The following TFDP1 variants were observed in gnomAD, a reference collection of about 807,000 sequenced individuals.
TFDP1 encodes the protein transcription factor Dp-1, also known as DRTF1-polypeptide 1.
In TFDP1, 6 loss-of-function variants were observed where a neutral mutation model predicts 48.0. That is an observed-to-expected ratio of 0.13 (90% CI 0.07 to 0.25). The LOEUF is 0.25. Among genes scored for constraint, TFDP1 ranks in the 10% least tolerant of loss-of-function variants. TFDP1 has a pLI of 1.00. For missense variants in TFDP1, 335 were observed against 543.0 expected, an observed-to-expected ratio of 0.62 and a Z score of 3.81; for synonymous variants, 201 against 211.6, an observed-to-expected ratio of 0.95 and a Z score of 0.44.
At chr13:113,629,348 C>T (rs1162412639) in intron 4 of TFDP1, among the ~76,000 whole-genome samples, 1 of 152,210 alleles carries the variant, frequency 6.6e-6, no homozygotes, top group African/African-American at 2.4e-5. Flanking sequence ...GTGCTGAGTC[C>T]TGTCTTCCAG....
chr13:113,608,258 G>A (rs1050133050), intron 2 of TFDP1, among the ~76,000 whole-genome samples: 2 of 152,262 alleles, frequency 1.3e-5, no homozygotes, highest in African/African-American at 4.8e-5. Flanking sequence ...CGTTCCCAGT[G>A]CCAGTCCCTG....
chr13:113,589,835 G>T (rs746379432), intron 2 of TFDP1, among the ~76,000 whole-genome samples: 4 of 152,182 alleles, frequency 2.6e-5, no homozygotes, highest in African/African-American at 7.2e-5. Context: ...CTCAGCCTGC[G>T]GCCAAGTTTC....
At chr13:113,624,827 G>A (rs576573988) in intron 4 of TFDP1, among the ~76,000 whole-genome samples, 70 of 139,450 alleles carry the variant, frequency 5.0e-4, no homozygotes, top group African/African-American at 1.8e-3. Flanking sequence ...TGTCTCTCAC[G>A]TGTCCTCAGG....
rs551988133 is a variant in TFDP1 at position 113,627,342 on chromosome 13, T to C, written c.186+4056T>C. On this transcript the variant is annotated intron_variant, in intron 4 of 11. Transcript: ENST00000375370. This position sits in a 1 kb window ranked among gnomAD's most constrained non-coding sequence, Gnocchi z 4.1. The stretch of plus-strand genomic sequence containing the variant: ...ACGTGTGCGGGACAGAGGACATATG[T>C]GCTCAGCCGGCAGGAGCAGCGGCCT... 1.4e-3 allele frequency among the ~76,000 whole-genome samples: 220 copies of C among 152,242 alleles called. 1 individual carries two copies. The highest frequency in any genetic ancestry group is 2.1e-3 in the Non-Finnish European group (144 of 68,008).
intron 2 of TFDP1, among the ~76,000 whole-genome samples, chr13:113,602,391 C>T (rs773816012): frequency 9.9e-5 from 15 of 152,216 alleles, no homozygotes; most frequent in Admixed American, 3.9e-4. Context: ...AAAGGAGGAG[C>T]GGAGAGAGTT....
intron 9 of TFDP1, 99 bp from the exon 10 acceptor site, chr13:113,636,433 CTG>C (rs1409585108): frequency 3.8e-6 from 5 of 1,318,910 alleles, no homozygotes; most frequent in African/African-American, 1.5e-5. Flanking sequence ...AACCGGGAAG[CTG>C]TGTGTGGCGG....
chr13:113,585,041 G>C (rs993251442), intron 1 of TFDP1, among the ~76,000 whole-genome samples, 153 bp downstream of exon 1: 3 of 146,686 alleles, frequency 2.0e-5, no homozygotes, highest in Non-Finnish European at 4.6e-5. Context: ...CCTGTGCCTC[G>C]GGGACCCCGC....
intron 7 of TFDP1, chr13:113,634,240 T>TA (rs2049413556): frequency 1.4e-6 from 1 of 733,420 alleles, no homozygotes; most frequent in African/African-American, 1.7e-5. Context: ...TAGAGTCTGT[T>TA]AAACTCTAGT....
At chr13:113,613,166 A>G (rs534339154) in intron 3 of TFDP1, among the ~76,000 whole-genome samples, 3 of 152,256 alleles carry the variant, frequency 2.0e-5, no homozygotes, top group East Asian at 1.9e-4. Context: ...AGAGGTGCCC[A>G]CCACCATATC....
chr13:113,633,744 G>A lies in TFDP1; in HGVS notation c.475-146G>A. The stretch of plus-strand genomic sequence containing the variant: ...AGCCCCGTCTTGCCCTGCGTCATCT[G>A]TGGGGTGGGAGCGCTCCCTGAGGGC... On this transcript the variant is annotated intron_variant, in intron 6 of 11. Coordinates refer to ENST00000375370, the MANE Select transcript of TFDP1 (RefSeq NM_007111.5). The surrounding 1 kb of genome is among the most constrained non-coding windows in gnomAD (Gnocchi z 4.5). 1.1e-6 allele frequency: 1 copy of A among 926,028 alleles called. No homozygotes were observed. Among genetic ancestry groups the A allele is most frequent in the Non-Finnish European group, 1.6e-6 (1 of 610,624 alleles). 57.4% of individuals were successfully genotyped at this position (926,028 alleles called of 1,614,324 possible).
rs147945567 is a variant in TFDP1, at chr13:113,613,592, G to GTC, written c.79+2531_79+2532insCT. Among the ~76,000 whole-genome samples the GTC allele has an allele frequency of 1.0e-3, 148 of 145,382 alleles. 5 individuals carry two copies. Among genetic ancestry groups the GTC allele is most frequent in the African/African-American group, 3.6e-3 (140 of 38,604 alleles). On this transcript the variant is annotated intron_variant, in intron 3 of 11. Coordinates refer to ENST00000375370, the MANE Select transcript of TFDP1 (RefSeq NM_007111.5). ...TACGAGTGTGTGTGTGCATGAGTGTGTGTGTGTATGCGTGAATGCGTGGGT... is the reference window on the plus strand; with the variant it reads ...TACGAGTGTGTGTGTGCATGAGTGTGTCTGTGTGTATGCGTGAATGCGTGGGT...
At position 113,633,566 on chromosome 13, in the gene TFDP1, C is replaced by T. The variant is rs2049394450; in HGVS notation, c.474+281C>T. Among the ~76,000 whole-genome samples the T allele has an allele frequency of 6.6e-6, 1 of 152,220 alleles. No homozygotes were observed. Among genetic ancestry groups the T allele is most frequent in the Non-Finnish European group, 1.5e-5 (1 of 68,044 alleles). On this transcript the variant is annotated intron_variant, in intron 6 of 11. Coordinates refer to ENST00000375370, the MANE Select transcript of TFDP1 (RefSeq NM_007111.5). This position sits in a 1 kb window ranked among gnomAD's most constrained non-coding sequence, Gnocchi z 4.5. ...TAAAAGAATTTTTCCGATCCATTTG[C>T]TGGCACGATGCTTTGTCAACTCCAG...
chr13:113,617,556 AGAACCCTTCACCTG>A, intron 3 of TFDP1, among the ~76,000 whole-genome samples: 1 of 135,144 alleles, frequency 7.4e-6, no homozygotes, highest in African/African-American at 3.7e-5. Context: ...GCTCACCTGC[AGAACCCTTCACCTG>A]CAGAGCCGCT....
intron 3 of TFDP1, among the ~76,000 whole-genome samples, chr13:113,615,769 A>C (rs2048841899): frequency 6.6e-6 from 1 of 152,178 alleles, no homozygotes; most frequent in Non-Finnish European, 1.5e-5. Context: ...GTAGCCAAGC[A>C]TGGTGGCGCA....
At chr13:113,624,497 G>T (rs1256820904) in intron 4 of TFDP1, among the ~76,000 whole-genome samples, 2 of 148,560 alleles carry the variant, frequency 1.3e-5, no homozygotes, top group East Asian at 4.0e-4. Context: ...GTGTCCTCAG[G>T]TGTCTCTCAG....
At position 113,636,081 on chromosome 13, in the gene TFDP1, C is replaced by T. The variant is rs202144389; in HGVS notation, c.792C>T (p.Val264=). ...TCATCCACCTGCCCTTCATCATCGTCAACACCAGCAAGAAGACGGTCATCG... is the reference window on the plus strand; with the variant it reads ...TCATCCACCTGCCCTTCATCATCGTTAACACCAGCAAGAAGACGGTCATCG... ...NSVIHLPFII[V]NTSKKTVIDC... The change falls in exon 9 of 12, where the codon GTC becomes GTT. Residue 264 remains valine, a synonymous_variant. Coordinates refer to ENST00000375370, the MANE Select transcript of TFDP1 (RefSeq NM_007111.5). 112 of 1,614,240 alleles carry T rather than the reference C, an allele frequency of 6.9e-5. No individual in the cohort carries two copies. In the African/African-American group the frequency reaches 1.3e-3, roughly 19 times the overall value.
chr13:113,604,386 G>A (rs751321355), intron 2 of TFDP1, among the ~76,000 whole-genome samples: 2 of 152,136 alleles, frequency 1.3e-5, no homozygotes, highest in Non-Finnish European at 2.9e-5. Context: ...CTATAATTGG[G>A]TCTGTCTTAG....
intron 2 of TFDP1, among the ~76,000 whole-genome samples, chr13:113,588,678 A>G (rs2048063384): frequency 6.6e-6 from 1 of 152,090 alleles, no homozygotes; most frequent in Non-Finnish European, 1.5e-5. Context: ...GAGAGTGATC[A>G]GTGATGGTGT....
At chr13:113,587,678 G>C (rs1406726860) in intron 2 of TFDP1, among the ~76,000 whole-genome samples, 1 of 151,862 alleles carries the variant, frequency 6.6e-6, no homozygotes, top group Non-Finnish European at 1.5e-5. Flanking sequence ...GTAGAGATGG[G>C]GTTTCACCAT....
Sources: allele counts gnomAD v4.1 joint callset (sites outside exome capture counted in the v4.1 genomes callset), GRCh38; gene constraint gnomAD v4.1.1; non-coding constraint Gnocchi (gnomAD v3.1); transcripts MANE v1.5; gene names NCBI Gene and HGNC (gene_info 2026-07-23, HGNC 2026-07-21).